Variants in VPS13D observed in about 807,000 individuals in gnomAD.
VPS13D encodes the protein intermembrane lipid transfer protein VPS13D.
In VPS13D, 187 loss-of-function variants were observed where a neutral mutation model predicts 461.9. The observed-to-expected ratio is 0.40, with a 90% CI of 0.36 to 0.46. The LOEUF is 0.46. VPS13D is among the 20% of genes least tolerant of loss of function. The pLI is 0.60. For missense variants in VPS13D, 4,711 were observed against 5,364.9 expected (o/e 0.88, Z 3.81); for synonymous variants, 1,951 against 1,986.3 (o/e 0.98, Z 0.47).
intron 65 of VPS13D, among the ~76,000 whole-genome samples, chr1:12,432,510 T>C (rs1436841536): frequency 6.6e-6 from 1 of 152,138 alleles, no homozygotes; most frequent in Non-Finnish European, 1.5e-5. Context: ...ATGTGTCCAG[T>C]TGCCTGCTGT....
chr1:12,408,938 T>C (rs1644688979), intron 63 of VPS13D, among the ~76,000 whole-genome samples: 1 of 152,242 alleles, frequency 6.6e-6, no homozygotes, highest in South Asian at 2.1e-4. Flanking sequence ...TTTTTCTCTG[T>C]GAACTGTCTG....
intron 49 of VPS13D, 103 bp from the exon 50 acceptor site, chr1:12,358,356 G>C: frequency 6.9e-7 from 1 of 1,451,090 alleles, no homozygotes; most frequent in African/African-American, 1.4e-5. Context: ...CAGTGGTAGA[G>C]ATGGAACTTG....
intron 68 of VPS13D, among the ~76,000 whole-genome samples, chr1:12,501,381 AC>A (rs1357345486): frequency 5.9e-5 from 9 of 152,340 alleles, no homozygotes; most frequent in African/African-American, 2.2e-4. Context: ...TGTACTAGTA[AC>A]TGTTGACACT....
rs1557660599 is a variant in VPS13D, at chr1:12,244,747, C to T, written c.447+130C>T. The T allele has an allele frequency of 7.6e-6, 6 of 788,578 alleles. No homozygotes were observed. In the South Asian group the frequency reaches 8.8e-5, roughly 12 times the overall value. The allele number at this position is 788,578 out of a possible 1,614,324, so 48.8% of individuals were successfully genotyped here. ...TAGGGTGTAGATGGGGCTGGCTGCT[C>T]AGGTCTGCCCTTTTGTAGGCTGTGC... On this transcript the variant is annotated intron_variant, in intron 5 of 69. Transcript: ENST00000620676.
At chr1:12,290,745 TTGC>T (rs1309718519) in intron 22 of VPS13D, among the ~76,000 whole-genome samples, 3 of 152,106 alleles carry the variant, frequency 2.0e-5, no homozygotes, top group African/African-American at 7.2e-5. Flanking sequence ...AAATGTAATG[TTGC>T]TGTATTATTT....
chr1:12,331,555 AC>A (rs1643332442), intron 37 of VPS13D, among the ~76,000 whole-genome samples: 1 of 151,592 alleles, frequency 6.6e-6, no homozygotes, highest in Admixed American at 6.6e-5. Flanking sequence ...AAAAAAAAAT[AC>A]AAAAAATTAG....
In VPS13D at chr1:12,314,236, C is replaced by T. The variant is rs370837150; in HGVS notation, c.7057C>T (p.Pro2353Ser). Reference protein sequence around the residue: ...DTRYAGQKTSPGMTNVFSCIF... With the variant: ...DTRYAGQKTSSGMTNVFSCIF... ...CCGTTATGCTGGGCAGAAGACCAGC[C>T]CTGGCATGACGAATGTGTTCAGCTG... is the stretch of plus-strand genomic sequence containing the variant. Residue 2353 changes from proline to serine, a missense_variant, in exon 30 of 70, where the codon CCT becomes TCT. Coordinates refer to ENST00000620676, the MANE Select transcript of VPS13D (RefSeq NM_015378.4). 3.7e-6 allele frequency: 6 copies of T among 1,613,998 alleles called. No individual in the cohort carries two copies. The highest frequency in any genetic ancestry group is 3.3e-4 in the Middle Eastern group (2 of 6,084).
intron 10 of VPS13D, among the ~76,000 whole-genome samples, chr1:12,259,187 C>T (rs78964547): frequency 0.026 from 3,893 of 151,932 alleles, 82 homozygotes; most frequent in Non-Finnish European, 0.04. Flanking sequence ...GACTACAGGC[C>T]CGCATCACAA....
chr1:12,291,607 AG>A (rs1642133946), intron 23 of VPS13D, among the ~76,000 whole-genome samples: 1 of 151,934 alleles, frequency 6.6e-6, no homozygotes. Context: ...TGGGTGATGG[AG>A]GGGGGCCTTG....
rs1221858505 is a variant in VPS13D, at chr1:12,257,094, G to T, written c.941+7G>T. On this transcript the variant is annotated splice_region_variant and intron_variant, in intron 9 of 69. Coordinates refer to ENST00000620676, the MANE Select transcript of VPS13D (RefSeq NM_015378.4). Reference sequence around the variant, plus strand: ...AGGTGGCGATATCTAAGAAGTAAGGGCTTCTCAGTGTGGTCATGAAATTCA... The same window carrying T: ...AGGTGGCGATATCTAAGAAGTAAGGTCTTCTCAGTGTGGTCATGAAATTCA... The T allele has an allele frequency of 1.2e-6, 2 of 1,611,350 alleles. No individual in the cohort carries two copies. The highest frequency in any genetic ancestry group is 4.5e-5 in the East Asian group (2 of 44,858).
Position 12,279,119 on chromosome 1 carries a change from T to A in VPS13D, c.4451-380T>A, listed in dbSNP as rs1453120405. On this transcript the variant is annotated intron_variant, in intron 19 of 69. Transcript: ENST00000620676. The surrounding 1 kb of genome is among the most constrained non-coding windows in gnomAD (Gnocchi z 4.3). ...ATTTAGGCCTAATAAGAGGGATACA[T>A]CTGTATCTGAAAGCTAGGTAAGGAT... 2.0e-5 allele frequency among the ~76,000 whole-genome samples: 3 copies of A among 152,206 alleles called. No homozygotes were observed. The highest frequency in any genetic ancestry group is 4.8e-5 in the African/African-American group (2 of 41,458).
intron 55 of VPS13D, among the ~76,000 whole-genome samples, chr1:12,375,122 C>T (rs949614559): frequency 5.3e-5 from 8 of 152,206 alleles, no homozygotes; most frequent in Non-Finnish European, 1.2e-4. Flanking sequence ...CATGTGCCCT[C>T]ACTCACTTCC....
chr1:12,306,346 A>C (rs1354160194), intron 26 of VPS13D, among the ~76,000 whole-genome samples: 2 of 152,128 alleles, frequency 1.3e-5, no homozygotes, highest in East Asian at 1.9e-4. Context: ...TGACTCCAGA[A>C]CCGAATTGTA....
chr1:12,498,920 T>G (rs1645997404), intron 68 of VPS13D, among the ~76,000 whole-genome samples: 1 of 152,118 alleles, frequency 6.6e-6, no homozygotes, highest in Admixed American at 6.5e-5. Flanking sequence ...ATGGTCACAT[T>G]GGGGTTAGGG....
In VPS13D at chr1:12,283,361, C is replaced by G. The variant is rs1204305452; in HGVS notation, c.5259C>G (p.Val1753=). 1.2e-6 allele frequency: 2 copies of G among 1,614,012 alleles called. No individual in the cohort carries two copies. The highest frequency in any genetic ancestry group is 3.3e-5 in the Admixed American group (2 of 60,000). The change falls in exon 21 of 70, where the codon GTC becomes GTG. Residue 1753 remains valine (V), a synonymous_variant. Coordinates refer to ENST00000620676, the MANE Select transcript of VPS13D (RefSeq NM_015378.4). ...TSASRKKQKE[V]QDKDYPLTPP... is the part of the protein sequence containing the mutation. ...CGTCCCGGAAAAAGCAAAAGGAAGT[C>G]CAAGACAAGGACTATCCCTTGACCC...
In VPS13D at chr1:12,437,398, T is replaced by C. The variant is rs1645075875; in HGVS notation, c.12334-18600T>C. The stretch of plus-strand genomic sequence containing the variant: ...AGGGAGGGGGGCATTCTTTGTGCTT[T>C]CCTGTGCAATTTGGAGCTCAACAGA... On this transcript the variant is annotated intron_variant, in intron 65 of 69. Transcript: ENST00000620676. Among the ~76,000 whole-genome samples, 2 of 152,208 alleles carry C rather than the reference T, an allele frequency of 1.3e-5. 1 individual carries two copies. Among genetic ancestry groups the C allele is most frequent in the South Asian group, 4.1e-4 (2 of 4,830 alleles).
chr1:12,416,947 C>G (rs1218338800), intron 65 of VPS13D, 120 bp downstream of exon 65: 1 of 1,145,884 alleles, frequency 8.7e-7, no homozygotes. Flanking sequence ...GCTTCATTGC[C>G]CACATGCCTT....
chr1:12,292,211 A>T (rs1642150454), intron 23 of VPS13D, among the ~76,000 whole-genome samples: 1 of 127,014 alleles, frequency 7.9e-6, no homozygotes, highest in African/African-American at 2.9e-5. Flanking sequence ...GTGAGCCGGG[A>T]TTGTGCCACT....
rs190974337 is a variant in VPS13D at position 12,379,455 on chromosome 1, G to T, written c.11082-33G>T. The stretch of plus-strand genomic sequence containing the variant: ...CAGGCGTGAAACAGTTGACTCGGAG[G>T]TTTCATGGTTCATTGTGTATTCCGT... On this transcript the variant is annotated intron_variant, in intron 56 of 69. Coordinates refer to ENST00000620676, the MANE Select transcript of VPS13D (RefSeq NM_015378.4). The T allele has an allele frequency of 5.0e-6, 8 of 1,596,142 alleles. No individual in the cohort carries two copies. In the African/African-American group the frequency reaches 9.4e-5, roughly 19 times the overall value.
Sources: gnomAD v4.1 joint callset for allele counts (sites outside exome capture counted in the v4.1 genomes callset) on GRCh38, gnomAD v4.1.1 for gene constraint, Gnocchi (gnomAD v3.1) non-coding constraint, MANE v1.5 for transcripts, NCBI Gene and HGNC (gene_info 2026-07-23, HGNC 2026-07-21) for gene names.